Variants in CHSY1 observed in about 807,000 individuals in gnomAD.
CHSY1 encodes chondroitin sulfate synthase 1, also known as N-acetylgalactosaminyl-proteoglycan 3-beta-glucuronosyltransferase 1.
In CHSY1, 13 loss-of-function variants were observed where a neutral mutation model predicts 59.8. The observed-to-expected ratio is 0.22, with a 90% CI of 0.14 to 0.35. The LOEUF is 0.35. Among genes scored for constraint, CHSY1 ranks in the 10% least tolerant of loss-of-function variants. The pLI, the probability that CHSY1 is intolerant of heterozygous loss-of-function variation, is 1.00. For synonymous variants in CHSY1, 459 were observed against 401.2 expected (o/e 1.14, Z -1.72); for missense variants, 947 against 1,030.6 (o/e 0.92, Z 1.11).
Position 101,251,260 on chromosome 15 carries a change from C to A in CHSY1, c.197G>T (p.Arg66Leu), listed in dbSNP as rs1160411533. The change falls in exon 1 of 3, where the codon CGC (arginine) becomes CTC (leucine). Residue 66 changes from arginine (R) to leucine (L), a missense_variant. This residue lies in a region of CHSY1 where 232 missense variants were observed against 188.5 expected (regional missense o/e 1.23). Coordinates refer to ENST00000254190, the MANE Select transcript of CHSY1 (RefSeq NM_014918.5). Reference protein sequence around the residue: ...SQAGGARGDARGAQLWPPGSD... With the variant: ...SQAGGARGDALGAQLWPPGSD... ...GCCGGGCGGCCAGAGCTGCGCCCCG[C>A]GCGCATCGCCGCGCGCCCCGCCGGC... 1.0e-5 allele frequency: 14 copies of A among 1,362,190 alleles called. No individual in the cohort carries two copies. The highest frequency in any genetic ancestry group is 1.3e-5 in the Non-Finnish European group (14 of 1,057,932). 84.4% of individuals were successfully genotyped at this position (1,362,190 alleles called of 1,614,324 possible). A position where few individuals can be genotyped will look rare whatever the true frequency, so the allele number is the denominator to read the frequency against.
chr15:101,218,807 A>G (rs1184774662), intron 2 of CHSY1, among the ~76,000 whole-genome samples: 1 of 152,224 alleles, frequency 6.6e-6, no homozygotes, highest in Admixed American at 6.5e-5. Flanking sequence ...TAGACTGTTA[A>G]ACACATGAGT....
At chr15:101,231,667 A>G (rs1355915588) in intron 2 of CHSY1, among the ~76,000 whole-genome samples, 1 of 152,224 alleles carries the variant, frequency 6.6e-6, no homozygotes, top group Non-Finnish European at 1.5e-5. Flanking sequence ...GTCTGTGAAA[A>G]TCCACTGGGC....
In CHSY1 at chr15:101,234,675, T is replaced by C. The variant is rs1044934970; in HGVS notation, c.816+407A>G. On this transcript the variant is annotated intron_variant, in intron 2 of 2. Transcript: ENST00000254190. ...CAAGGTCAAGAGTTCGAGACCAGCC[T>C]GGCCAGCATGGTGAAACCTCGTCTC... Among the ~76,000 whole-genome samples, 9 of 152,192 alleles carry C rather than the reference T, an allele frequency of 5.9e-5. 1 individual carries two copies. Among genetic ancestry groups the C allele is most frequent in the African/African-American group, 2.2e-4 (9 of 41,442 alleles).
At chr15:101,233,741 T>A (rs1024528885) in intron 2 of CHSY1, among the ~76,000 whole-genome samples, 1 of 152,198 alleles carries the variant, frequency 6.6e-6, no homozygotes, top group Non-Finnish European at 1.5e-5. Flanking sequence ...AAAAATTACA[T>A]GGCCACTCCC....
rs145934023 is a variant in CHSY1 at position 101,211,219 on chromosome 15, G to A, written c.816+23863C>T. On this transcript the variant is annotated intron_variant, in intron 2 of 2. Coordinates refer to ENST00000254190, the MANE Select transcript of CHSY1 (RefSeq NM_014918.5). ...GGCACCTCTAATCCCAGCTACCTGG[G>A]AGGCTGAGGCAGAAAAATCACTTGA... is the stretch of plus-strand genomic sequence containing the variant. Among the ~76,000 whole-genome samples, 908 of 152,312 alleles carry A rather than the reference G, an allele frequency of 6.0e-3. 10 individuals carry two copies. The highest frequency in any genetic ancestry group is 0.021 in the African/African-American group (877 of 41,562).
chr15:101,249,826 G>T (rs910954197), intron 1 of CHSY1, among the ~76,000 whole-genome samples: 1 of 152,178 alleles, frequency 6.6e-6, no homozygotes, highest in Non-Finnish European at 1.5e-5. Flanking sequence ...GCATTAGTCT[G>T]TATTTACAAT....
At chr15:101,211,861 GAACA>G (rs890952698) in intron 2 of CHSY1, among the ~76,000 whole-genome samples, 5 of 143,532 alleles carry the variant, frequency 3.5e-5, no homozygotes, top group East Asian at 2.0e-4. Context: ...ATAGTAAGAC[GAACA>G]AACAAACAAA....
At chr15:101,205,400 A>G (rs538999445) in intron 2 of CHSY1, among the ~76,000 whole-genome samples, 2 of 152,342 alleles carry the variant, frequency 1.3e-5, no homozygotes, top group African/African-American at 4.8e-5. Flanking sequence ...CCTGGTCTTT[A>G]TATTTCCCCA....
At position 101,178,200 on chromosome 15, in the gene CHSY1, T is replaced by C. The variant is rs2038221266; in HGVS notation, c.1597A>G (p.Lys533Glu). The change falls in exon 3 of 3, where the codon AAG (lysine) becomes GAG (glutamate). Residue 533 changes from lysine (K) to glutamate (E), a missense_variant. Physicochemically the swap from Lys to Glu is moderately conservative, Grantham distance 56. Coordinates refer to ENST00000254190, the MANE Select transcript of CHSY1 (RefSeq NM_014918.5). ...GACAAAGGAATCAGTATGTTTATCTTTTTATCTTTGGGTTCTTTGTGCTCA... is the reference window on the plus strand; with the variant it reads ...GACAAAGGAATCAGTATGTTTATCTCTTTATCTTTGGGTTCTTTGTGCTCA... ...KSEHKEPKDK[K>E]INILIPLSGR... 6.2e-7 allele frequency: 1 copy of C among 1,614,198 alleles called. No individual in the cohort carries two copies. Among genetic ancestry groups the C allele is most frequent in the South Asian group, 1.1e-5 (1 of 91,076 alleles).
Position 101,177,140 on chromosome 15 carries a change from T to A in CHSY1, c.*248A>T. 5.0e-6 allele frequency: 2 copies of A among 402,534 alleles called. No individual in the cohort carries two copies. The highest frequency in any genetic ancestry group is 8.9e-6 in the Non-Finnish European group (2 of 225,654). 24.9% of individuals were successfully genotyped at this position (402,534 alleles called of 1,614,324 possible). On this transcript the variant is annotated 3_prime_UTR_variant, in exon 3 of 3. Transcript: ENST00000254190. ...AAAGAAAACATTTTTTTAAAAAAGTTTTGTTCATCAGGTACATTTCAAGTC... is the reference window on the plus strand; with the variant it reads ...AAAGAAAACATTTTTTTAAAAAAGTATTGTTCATCAGGTACATTTCAAGTC...
At chr15:101,250,755 T>G (rs1596458741) in intron 1 of CHSY1, among the ~76,000 whole-genome samples, 1 of 152,204 alleles carries the variant, frequency 6.6e-6, no homozygotes, top group Non-Finnish European at 1.5e-5. Flanking sequence ...GGGAATCCAG[T>G]ATCAGCCCCA....
chr15:101,204,454 A>AAT (rs1449172876), intron 2 of CHSY1, among the ~76,000 whole-genome samples: 2 of 147,416 alleles, frequency 1.4e-5, no homozygotes, highest in Non-Finnish European at 3.0e-5. Context: ...TAATAATAAT[A>AAT]ATAATAATAA....
intron 2 of CHSY1, among the ~76,000 whole-genome samples, chr15:101,195,065 T>C (rs564355931): frequency 6.6e-6 from 1 of 152,308 alleles, no homozygotes; most frequent in Non-Finnish European, 1.5e-5. Context: ...TGCCGTCAAG[T>C]AGAAACATTT....
rs1318928069 is a variant in CHSY1 at position 101,210,976 on chromosome 15, T to G, written c.816+24106A>C. On this transcript the variant is annotated intron_variant, in intron 2 of 2. Transcript: ENST00000254190. ...AGTTTAGCAGACAATATTAAACTAT[T>G]AAAAATATCAAATGAAATAACTAAA... 6.6e-5 allele frequency among the ~76,000 whole-genome samples: 10 copies of G among 152,284 alleles called. 1 individual carries two copies. In the East Asian group the frequency reaches 1.5e-3, roughly 23 times the overall value.
Position 101,188,210 on chromosome 15 carries a change from C to A in CHSY1, c.817-9230G>T, listed in dbSNP as rs1354337482. Reference sequence around the variant, plus strand: ...TCATTACAGAGAAGTGGTTTTCTCACCCTTTTGTCCTGAAAAGTGGTTCAA... The same window carrying A: ...TCATTACAGAGAAGTGGTTTTCTCAACCTTTTGTCCTGAAAAGTGGTTCAA... On this transcript the variant is annotated intron_variant, in intron 2 of 2. Coordinates refer to ENST00000254190, the MANE Select transcript of CHSY1 (RefSeq NM_014918.5). 5 of 985,164 alleles carry A rather than the reference C, an allele frequency of 5.1e-6. No individual in the cohort carries two copies. In the African/African-American group the frequency reaches 8.7e-5, roughly 17 times the overall value. The allele number at this position is 985,164 out of a possible 1,614,324, so 61.0% of individuals were successfully genotyped here.
intron 2 of CHSY1, among the ~76,000 whole-genome samples, chr15:101,209,994 A>C (rs2038668109): frequency 6.6e-6 from 1 of 152,202 alleles, no homozygotes; most frequent in Non-Finnish European, 1.5e-5. Flanking sequence ...AATACTGAGT[A>C]AGTTTCTTAA....
At chr15:101,213,420 GA>G (rs926608931) in intron 2 of CHSY1, among the ~76,000 whole-genome samples, 78 of 151,012 alleles carry the variant, frequency 5.2e-4, no homozygotes, top group Middle Eastern at 3.4e-3. Context: ...ATCGAAACTG[GA>G]AAAAAAAATT....
At chr15:101,218,546 C>G (rs1005768629) in intron 2 of CHSY1, among the ~76,000 whole-genome samples, 1 of 152,132 alleles carries the variant, frequency 6.6e-6, no homozygotes, top group Non-Finnish European at 1.5e-5. Context: ...ACCTGGGAGG[C>G]GGAGGTTGCA....
intron 2 of CHSY1, 83 bp from the exon 3 acceptor site, chr15:101,179,063 G>A: frequency 9.4e-6 from 13 of 1,378,412 alleles, no homozygotes; most frequent in Non-Finnish European, 1.3e-5. Flanking sequence ...GCAAATATTA[G>A]AAATGTTTCT....
Sources: gnomAD v4.1 joint callset for allele counts (sites outside exome capture counted in the v4.1 genomes callset) on GRCh38, gnomAD v4.1.1 for gene constraint, gnomAD v4.1.1 regional missense constraint, MANE v1.5 for transcripts, NCBI Gene and HGNC (gene_info 2026-07-23, HGNC 2026-07-21) for gene names.